Variants in PDE9A observed in about 807,000 individuals in gnomAD.
PDE9A encodes phosphodiesterase 9A.
Under a neutral mutation model 87.4 loss-of-function variants are expected in PDE9A, and 60 were observed. The ratio of observed to expected loss-of-function variants is 0.69; its 90% CI spans 0.56 to 0.85. The LOEUF (loss-of-function observed/expected upper bound fraction) is 0.85, where lower values mean the gene tolerates loss of function less well. Ranked by LOEUF, PDE9A falls within the 40% of genes least tolerant of loss-of-function variation. The pLI is 0.00. For missense variants in PDE9A, 665 were observed against 779.0 expected (o/e 0.85, Z 1.74); for synonymous variants, 272 against 279.4 (o/e 0.97, Z 0.27).
chr21:42,771,221 G>A (rs2269174), intron 18 of PDE9A, among the ~76,000 whole-genome samples: 51,727 of 152,050 alleles, frequency 0.34, 9,127 homozygotes, highest in South Asian at 0.5. Context: ...CTGGCACGGG[G>A]ACAAAGCGAC....
intron 1 of PDE9A, among the ~76,000 whole-genome samples, chr21:42,658,140 T>C (rs959728237): frequency 5.3e-5 from 8 of 152,150 alleles, no homozygotes; most frequent in African/African-American, 1.4e-4. Flanking sequence ...GGGCAGCTGG[T>C]GGGGTCTGCC....
intron 4 of PDE9A, among the ~76,000 whole-genome samples, chr21:42,721,388 C>T (rs879448905): frequency 4.6e-5 from 7 of 152,200 alleles, no homozygotes; most frequent in East Asian, 1.9e-4. Context: ...TTCCTTTCTT[C>T]GTCATATCTG....
At position 42,772,447 on chromosome 21, in the gene PDE9A, G is replaced by A. The variant is rs377692573; in HGVS notation, c.1695G>A (p.Lys565=). Residue 565 remains lysine (K), a synonymous_variant, in exon 19 of 20, where the codon AAG becomes AAA. Transcript: ENST00000291539. ...RIDDAMKELQ[K]KTDSLTSGAT... Reference sequence around the variant, plus strand: ...TCTGTACTCTGTTCCAGTTACAGAAGAAGACTGACAGCTTGACGTCTGGGG... The same window carrying A: ...TCTGTACTCTGTTCCAGTTACAGAAAAAGACTGACAGCTTGACGTCTGGGG... The A allele has an allele frequency of 1.2e-6, 2 of 1,608,856 alleles. No homozygotes were observed. Among genetic ancestry groups the A allele is most frequent in the Non-Finnish European group, 1.7e-6 (2 of 1,177,582 alleles).
chr21:42,772,696 C>T (rs981331470), intron 19 of PDE9A, among the ~76,000 whole-genome samples, 176 bp downstream of exon 19: 8 of 151,848 alleles, frequency 5.3e-5, no homozygotes, highest in South Asian at 4.1e-4. Flanking sequence ...TGCGATGGCA[C>T]GATCTCAGCT....
intron 1 of PDE9A, among the ~76,000 whole-genome samples, chr21:42,679,329 C>T (rs2059027413): frequency 6.6e-6 from 1 of 152,218 alleles, no homozygotes; most frequent in Non-Finnish European, 1.5e-5. Flanking sequence ...TCCCTCGCTC[C>T]GTCTCCCCTC....
rs1457167454 is a variant in PDE9A, at chr21:42,705,652, G to A, written c.262+6641G>A. ...GTCACACGCCAGGACGGCCCCCCAC[G>A]GCCCAAGTCCTATAGGAGAGCCAGG... On this transcript the variant is annotated intron_variant, in intron 4 of 19. Transcript: ENST00000291539. The surrounding 1 kb of genome is among the most constrained non-coding windows in gnomAD (Gnocchi z 4.3). Among the ~76,000 whole-genome samples, 2 of 152,154 alleles carry A rather than the reference G, an allele frequency of 1.3e-5. No individual in the cohort carries two copies. Among genetic ancestry groups the A allele is most frequent in the Admixed American group, 6.5e-5 (1 of 15,278 alleles).
At chr21:42,719,046 TC>T (rs2050224626) in intron 4 of PDE9A, among the ~76,000 whole-genome samples, 1 of 151,668 alleles carries the variant, frequency 6.6e-6, no homozygotes, top group East Asian at 1.9e-4. Flanking sequence ...TTATCAAGCC[TC>T]TCTAACTCGA....
chr21:42,744,563 C>A (rs1055975488), intron 8 of PDE9A, among the ~76,000 whole-genome samples: 6 of 152,180 alleles, frequency 3.9e-5, no homozygotes, highest in Admixed American at 2.6e-4. Context: ...GTGTGATGTT[C>A]CCACTGGGTT....
intron 4 of PDE9A, among the ~76,000 whole-genome samples, chr21:42,725,212 A>G (rs1489793652): frequency 2.0e-5 from 3 of 151,580 alleles, no homozygotes; most frequent in Admixed American, 2.0e-4. Context: ...CCTGGCAACC[A>G]AGAGGTCTCT....
At chr21:42,691,089 C>G (rs1210111983) in intron 3 of PDE9A, among the ~76,000 whole-genome samples, 1 of 149,670 alleles carries the variant, frequency 6.7e-6, no homozygotes, top group African/African-American at 2.5e-5. Context: ...AGTCACCCAC[C>G]CCGATACCAT....
At chr21:42,767,722 C>T (rs2056541872) in intron 15 of PDE9A, among the ~76,000 whole-genome samples, 2 of 152,192 alleles carry the variant, frequency 1.3e-5, no homozygotes, top group African/African-American at 2.4e-5. Context: ...GGCAGGGCCA[C>T]GGGACGCCAG....
chr21:42,656,301 G>A (rs1247105698), intron 1 of PDE9A, among the ~76,000 whole-genome samples: 2 of 152,214 alleles, frequency 1.3e-5, no homozygotes, highest in Admixed American at 1.3e-4. Flanking sequence ...TCCTGGCGAT[G>A]GGCACACCCG....
At position 42,751,744 on chromosome 21, in the gene PDE9A, C is replaced by CTTT. The variant is rs33940532; in HGVS notation, c.735+564_735+566dup. Among the ~76,000 whole-genome samples, 675 of 122,348 alleles carry CTTT rather than the reference C, an allele frequency of 5.5e-3. 14 individuals are homozygous for CTTT. Among genetic ancestry groups the CTTT allele is most frequent in the East Asian group, 0.027 (110 of 4,134 alleles). 80.3% of individuals were successfully genotyped at this position (122,348 alleles called of 152,430 possible). A position where few individuals can be genotyped will look rare whatever the true frequency, so the allele number is the denominator to read the frequency against. ...AGCAGGCAAAATCCCGGCCCACCTG[C>CTTT]TTTTTTTTTTTTTTTTTTTGAGACA... On this transcript the variant is annotated intron_variant, in intron 9 of 19. Transcript: ENST00000291539.
chr21:42,764,389 T>C (rs2056152242), intron 14 of PDE9A, among the ~76,000 whole-genome samples: 1 of 152,192 alleles, frequency 6.6e-6, no homozygotes, highest in South Asian at 2.1e-4. Flanking sequence ...CTGTGGCAAA[T>C]CTTCGTCTGC....
rs2054715620 is a variant in PDE9A, at chr21:42,753,915, A to G, written c.736-75A>G. The G allele has an allele frequency of 1.3e-5, 9 of 719,014 alleles. No homozygotes were observed. The South Asian group carries it at 1.5e-4, about 12-fold the overall frequency. 44.5% of individuals were successfully genotyped at this position (719,014 alleles called of 1,614,324 possible). On this transcript the variant is annotated intron_variant, in intron 9 of 19. Coordinates refer to ENST00000291539, the MANE Select transcript of PDE9A (RefSeq NM_002606.3). ...AAAGAAAGAGAACGGGAGAAAGAGG[A>G]GAAATATCTCAGCATGCACATCACT...
At position 42,723,751 on chromosome 21, in the gene PDE9A, G is replaced by A. The variant is rs1372010507; in HGVS notation, c.263-8019G>A. Among the ~76,000 whole-genome samples, 1 of 152,018 alleles carries A rather than the reference G, an allele frequency of 6.6e-6. No homozygotes were observed. Among genetic ancestry groups the A allele is most frequent in the Non-Finnish European group, 1.5e-5 (1 of 68,024 alleles). ...AGTTAATGCTGACTCCCCCTCCCTC[G>A]GGGGCTTATTTGCAATCTCCCGATT... On this transcript the variant is annotated intron_variant, in intron 4 of 19. Coordinates refer to ENST00000291539, the MANE Select transcript of PDE9A (RefSeq NM_002606.3). The surrounding 1 kb of genome is among the most constrained non-coding windows in gnomAD (Gnocchi z 4.3).
At position 42,760,308 on chromosome 21, in the gene PDE9A, G is replaced by C; in HGVS notation, c.898-20G>C. 6 of 1,494,656 alleles carry C rather than the reference G, an allele frequency of 4.0e-6. No homozygotes were observed. The highest frequency in any genetic ancestry group is 5.6e-6 in the Non-Finnish European group (6 of 1,076,206). The allele number at this position is 1,494,656 out of a possible 1,614,324, so 92.6% of individuals were successfully genotyped here. Reference sequence around the variant, plus strand: ...GGCGGGCCCAGGCACAGGGTGACTCGGACCCCCTGCCTCCCGCAGTTCTGC... The same window carrying C: ...GGCGGGCCCAGGCACAGGGTGACTCCGACCCCCTGCCTCCCGCAGTTCTGC... On this transcript the variant is annotated intron_variant, in intron 11 of 19. Coordinates refer to ENST00000291539, the MANE Select transcript of PDE9A (RefSeq NM_002606.3). The surrounding 1 kb of genome is among the most constrained non-coding windows in gnomAD (Gnocchi z 5.2).
intron 3 of PDE9A, chr21:42,689,513 A>G (rs1296109297): frequency 4.1e-6 from 4 of 984,586 alleles, no homozygotes; most frequent in East Asian, 2.3e-4. Context: ...GACTAAAATG[A>G]TCTCTCAGAG....
intron 4 of PDE9A, among the ~76,000 whole-genome samples, chr21:42,709,169 G>A (rs150107838): frequency 7.2e-5 from 11 of 152,282 alleles, no homozygotes; most frequent in African/African-American, 1.7e-4. Context: ...AGACAGAGCT[G>A]GAAGCCATTA....
Sources: gnomAD v4.1 joint callset for allele counts (sites outside exome capture counted in the v4.1 genomes callset) on GRCh38, gnomAD v4.1.1 for gene constraint, Gnocchi (gnomAD v3.1) non-coding constraint, MANE v1.5 for transcripts, NCBI Gene and HGNC (gene_info 2026-07-23, HGNC 2026-07-21) for gene names.